The following EYS variants were observed in gnomAD, a reference collection of about 807,000 sequenced individuals.
The protein encoded by EYS is protein eyes shut homolog.
Under a neutral mutation model 282.1 loss-of-function variants are expected in EYS, and 250 were observed. That is an observed-to-expected ratio of 0.89 (90% CI 0.80 to 0.98). EYS has a LOEUF of 0.98. Ranked by LOEUF, EYS falls within the 50% of genes least tolerant of loss-of-function variation. EYS has a pLI of 0.00. For missense variants in EYS, 4,016 were observed against 3,709.0 expected (o/e 1.08, Z -2.15); for synonymous variants, 1,355 against 1,282.9 (o/e 1.06, Z -1.20).
At chr6:64,177,627 A>T (rs746109797) in intron 31 of EYS, among the ~76,000 whole-genome samples, 4 of 152,102 alleles carry the variant, frequency 2.6e-5, no homozygotes, top group Admixed American at 6.6e-5. Context: ...AATAATGTTT[A>T]CTGAGGCTTA....
At chr6:64,475,663 G>C (rs1417624621) in intron 26 of EYS, among the ~76,000 whole-genome samples, 2 of 151,920 alleles carry the variant, frequency 1.3e-5, no homozygotes, top group East Asian at 3.9e-4. Flanking sequence ...TGTGTCCTCG[G>C]CCCAATTCTT....
intron 22 of EYS, among the ~76,000 whole-genome samples, chr6:64,740,715 CTT>C (rs5876919): frequency 0.01 from 1,283 of 127,870 alleles, 19 homozygotes; most frequent in African/African-American, 0.029. Context: ...AATATGTCCA[CTT>C]TTTTTTTTTT....
intron 12 of EYS, among the ~76,000 whole-genome samples, chr6:65,116,918 T>C (rs926204590): frequency 6.6e-6 from 1 of 152,188 alleles, no homozygotes; most frequent in Non-Finnish European, 1.5e-5. Context: ...CCTTCCTCAG[T>C]GGTTTAGGGG....
intron 1 of EYS, among the ~76,000 whole-genome samples, chr6:65,702,718 A>T (rs940874545): frequency 4.0e-5 from 6 of 151,658 alleles, no homozygotes; most frequent in Admixed American, 1.3e-4. Context: ...ATAAATAAAT[A>T]AATAATAAAA....
intron 35 of EYS, among the ~76,000 whole-genome samples, chr6:63,866,184 C>A (rs1221498377): frequency 6.6e-6 from 1 of 152,002 alleles, no homozygotes; most frequent in Non-Finnish European, 1.5e-5. Context: ...CTGAGAATAG[C>A]GATAAAAGCA....
intron 36 of EYS, among the ~76,000 whole-genome samples, chr6:63,844,214 C>G (rs1361703835): frequency 6.6e-6 from 1 of 152,134 alleles, no homozygotes; most frequent in Admixed American, 6.5e-5. Context: ...CATAGTAGCC[C>G]ATAGTGTATA....
intron 19 of EYS, among the ~76,000 whole-genome samples, chr6:64,832,956 A>G (rs1765269391): frequency 6.6e-6 from 1 of 151,940 alleles, no homozygotes; most frequent in Non-Finnish European, 1.5e-5. Context: ...GCTTGTCTAA[A>G]TGAGTGCCTC....
intron 33 of EYS, among the ~76,000 whole-genome samples, chr6:64,037,861 T>C (rs1291878186): frequency 6.6e-6 from 1 of 152,224 alleles, no homozygotes; most frequent in Non-Finnish European, 1.5e-5. Flanking sequence ...GATATTTTAT[T>C]AGTTCAGATG....
intron 31 of EYS, among the ~76,000 whole-genome samples, chr6:64,207,757 A>G (rs1278188707): frequency 6.6e-6 from 1 of 152,124 alleles, no homozygotes; most frequent in East Asian, 1.9e-4. Flanking sequence ...TCCCAAGTTC[A>G]AGCAATTTTC....
intron 12 of EYS, among the ~76,000 whole-genome samples, chr6:65,204,012 C>T (rs754488219): frequency 4.0e-5 from 6 of 151,552 alleles, no homozygotes; most frequent in Non-Finnish European, 7.4e-5. Context: ...CAGAAAAAAA[C>T]AGTAACAAAA....
At chr6:65,081,049 G>A (rs1774219084) in intron 12 of EYS, among the ~76,000 whole-genome samples, 1 of 152,100 alleles carries the variant, frequency 6.6e-6, no homozygotes. Flanking sequence ...CCTCACAGCT[G>A]TAATCTTCAA....
At chr6:63,984,640 G>T in intron 34 of EYS, 37 bp from the exon 35 acceptor site, 3 of 1,385,094 alleles carry the variant, frequency 2.2e-6, no homozygotes. Flanking sequence ...ATTATAGGTT[G>T]TTGTCAGATT....
chr6:65,176,934 T>C (rs1317987216), intron 12 of EYS, among the ~76,000 whole-genome samples: 3 of 151,678 alleles, frequency 2.0e-5, no homozygotes, highest in Admixed American at 1.3e-4. Context: ...TTTAGGTATA[T>C]GTTTTTCATA....
chr6:64,874,307 T>A (rs989690896), intron 19 of EYS, among the ~76,000 whole-genome samples: 9 of 152,108 alleles, frequency 5.9e-5, no homozygotes, highest in Non-Finnish European at 1.0e-4. Context: ...CAGACTCACA[T>A]AACCAAAAGA....
intron 30 of EYS, among the ~76,000 whole-genome samples, chr6:64,231,227 G>A (rs1479697371): frequency 6.6e-6 from 1 of 152,114 alleles, no homozygotes; most frequent in African/African-American, 2.4e-5. Flanking sequence ...GCATTCATTA[G>A]TCTGACTTAG....
intron 22 of EYS, among the ~76,000 whole-genome samples, chr6:64,709,135 G>A (rs1388216922): frequency 6.6e-6 from 1 of 151,940 alleles, no homozygotes; most frequent in African/African-American, 2.4e-5. Flanking sequence ...TGACCAAATG[G>A]GTACAGTAAT....
intron 28 of EYS, among the ~76,000 whole-genome samples, chr6:64,407,768 G>C (rs1773767146): frequency 6.6e-6 from 1 of 152,104 alleles, no homozygotes; most frequent in Admixed American, 6.5e-5. Flanking sequence ...TTTTGCTCTT[G>C]TTGCCCAGGC....
At position 64,300,086 on chromosome 6, in the gene EYS, G is replaced by A. The variant is rs908745740; in HGVS notation, c.6191+6884C>T. Among the ~76,000 whole-genome samples the A allele has an allele frequency of 2.0e-5, 3 of 152,160 alleles. No homozygotes were observed. In the South Asian group the frequency reaches 6.2e-4, roughly 32 times the overall value. ...CTATCTTAGGCAAGTGGCATTAGAAGGGGAGTTCTTAGCCTACCTGGTAAT... is the reference window on the plus strand; with the variant it reads ...CTATCTTAGGCAAGTGGCATTAGAAAGGGAGTTCTTAGCCTACCTGGTAAT... On this transcript the variant is annotated intron_variant, in intron 30 of 42. Transcript: ENST00000503581.
In EYS at chr6:64,035,874, G is replaced by C. The variant is rs1449157489; in HGVS notation, c.6725+30464C>G. On this transcript the variant is annotated intron_variant, in intron 33 of 42. Transcript: ENST00000503581. The stretch of plus-strand genomic sequence containing the variant: ...TAGAAAATCTGATTATAAGTTCTCA[G>C]AGATTCACTCTAGCATATCTTATTA... Among the ~76,000 whole-genome samples, 5 of 152,094 alleles carry C rather than the reference G, an allele frequency of 3.3e-5. No homozygotes were observed. The East Asian group carries it at 9.6e-4, about 29-fold the overall frequency.
Sources: allele counts gnomAD v4.1 joint callset (sites outside exome capture counted in the v4.1 genomes callset), GRCh38; gene constraint gnomAD v4.1.1; transcripts MANE v1.5; gene names NCBI Gene and HGNC (gene_info 2026-07-23, HGNC 2026-07-21).